Variants in PRKAG2 observed in about 807,000 individuals in gnomAD.
PRKAG2 encodes protein kinase AMP-activated non-catalytic subunit gamma 2, also known as 5'-AMP-activated protein kinase subunit gamma-2.
A neutral mutation model predicts 69.6 loss-of-function variants in PRKAG2; 26 were observed. The ratio of observed to expected loss-of-function variants is 0.37; its 90% CI spans 0.27 to 0.52. The LOEUF is 0.52. Ranked by LOEUF, PRKAG2 falls within the 20% of genes least tolerant of loss-of-function variation. PRKAG2 has a pLI of 0.90. For synonymous variants in PRKAG2, 293 were observed against 285.0 expected (o/e 1.03, Z -0.28); for missense variants, 557 against 740.0 (o/e 0.75, Z 2.87).
intron 3 of PRKAG2, among the ~76,000 whole-genome samples, chr7:151,713,181 T>TCATG (rs1479928233): frequency 6.6e-6 from 1 of 151,744 alleles, no homozygotes; most frequent in Admixed American, 6.6e-5. Flanking sequence ...GGACAGGGGG[T>TCATG]CATGGAAGAA....
intron 1 of PRKAG2, among the ~76,000 whole-genome samples, chr7:151,823,157 G>A (rs745899998): frequency 6.6e-6 from 1 of 151,898 alleles, no homozygotes; most frequent in Non-Finnish European, 1.5e-5. Flanking sequence ...TCTCAGCACA[G>A]CCGCCTGGGG....
chr7:151,811,874 C>A (rs556285662), intron 1 of PRKAG2, among the ~76,000 whole-genome samples: 1 of 152,218 alleles, frequency 6.6e-6, no homozygotes, highest in East Asian at 1.9e-4. Context: ...GGAGGGACAA[C>A]TTTGGAGTTG....
intron 3 of PRKAG2, among the ~76,000 whole-genome samples, chr7:151,741,823 CCT>C (rs1277400777): frequency 1.3e-5 from 2 of 152,200 alleles, no homozygotes; most frequent in African/African-American, 4.8e-5. Flanking sequence ...AGTTATTAAA[CCT>C]CTAGTAAGCG....
chr7:151,569,056 A>G (rs930172990), intron 10 of PRKAG2, among the ~76,000 whole-genome samples: 2 of 152,288 alleles, frequency 1.3e-5, no homozygotes, highest in African/African-American at 2.4e-5. Flanking sequence ...AAATCTCTAG[A>G]AGAGGAGATT....
intron 1 of PRKAG2, among the ~76,000 whole-genome samples, chr7:151,808,869 C>T (rs369734240): frequency 3.6e-4 from 55 of 152,298 alleles, no homozygotes; most frequent in African/African-American, 1.3e-3. Context: ...GGCCAGCATC[C>T]AAGGCTAAAG....
rs78295525 is a variant in PRKAG2 at position 151,581,928 on chromosome 7, A to C, written c.865-5476T>G. 8.9e-3 allele frequency among the ~76,000 whole-genome samples: 1,359 copies of C among 152,354 alleles called. 18 individuals carry two copies. The highest frequency in any genetic ancestry group is 0.03 in the African/African-American group (1,256 of 41,576). ...GTTTACGGTGAGGCCACTGTGAACA[A>C]CACAAACAGGAAATAACTGCCTAAC... On this transcript the variant is annotated intron_variant, in intron 6 of 15. Transcript: ENST00000287878.
At chr7:151,607,973 G>T (rs1486225710) in intron 5 of PRKAG2, among the ~76,000 whole-genome samples, 1 of 152,182 alleles carries the variant, frequency 6.6e-6, no homozygotes, top group Non-Finnish European at 1.5e-5. Flanking sequence ...TGGAGATGAG[G>T]TTATCCCGGA....
intron 5 of PRKAG2, among the ~76,000 whole-genome samples, chr7:151,608,802 A>G (rs1321993856): frequency 1.3e-5 from 2 of 150,236 alleles, no homozygotes; most frequent in South Asian, 2.2e-4. Context: ...ATATTCCTTT[A>G]TAAGATTAAA....
intron 3 of PRKAG2, among the ~76,000 whole-genome samples, chr7:151,717,478 G>T (rs1364910272): frequency 6.6e-6 from 1 of 152,164 alleles, no homozygotes; most frequent in Non-Finnish European, 1.5e-5. Context: ...CTGGAGAAAC[G>T]CCAGGTGAAG....
At chr7:151,640,371 G>A (rs1190022122) in intron 4 of PRKAG2, among the ~76,000 whole-genome samples, 3 of 152,036 alleles carry the variant, frequency 2.0e-5, no homozygotes, top group South Asian at 2.1e-4. Context: ...AGTGGCTCTC[G>A]GCAATCTTTA....
At chr7:151,681,721 T>A (rs1187455259) in intron 3 of PRKAG2, among the ~76,000 whole-genome samples, 1 of 152,002 alleles carries the variant, frequency 6.6e-6, no homozygotes, top group Non-Finnish European at 1.5e-5. Flanking sequence ...AGCGAATAAA[T>A]GGCAGGGACC....
chr7:151,671,879 C>T (rs1260729778), intron 4 of PRKAG2, among the ~76,000 whole-genome samples: 2 of 152,226 alleles, frequency 1.3e-5, no homozygotes, highest in Admixed American at 6.5e-5. Context: ...CCTTGAAATA[C>T]ACCCTTTCAA....
intron 3 of PRKAG2, among the ~76,000 whole-genome samples, chr7:151,737,471 T>C (rs1347069742): frequency 6.6e-6 from 1 of 152,110 alleles, no homozygotes; most frequent in Admixed American, 6.5e-5. Flanking sequence ...ACCCCCGAGC[T>C]AAAGATTAGT....
At chr7:151,741,048 G>C (rs982396440) in intron 3 of PRKAG2, among the ~76,000 whole-genome samples, 1 of 151,724 alleles carries the variant, frequency 6.6e-6, no homozygotes, top group African/African-American at 2.4e-5. Context: ...TTGTTTTCTC[G>C]ATTTAAAAAT....
chr7:151,773,036 AGAGAGAGAGAGAGAGAGGGAG>A (rs2076124566), intron 3 of PRKAG2, among the ~76,000 whole-genome samples: 1 of 33,148 alleles, frequency 3.0e-5, no homozygotes, highest in Non-Finnish European at 6.4e-5. Context: ...AGAGAGAGAG[AGAGAGAGAGAGAGAGAGGGAG>A]GGAGGGAGGG....
intron 1 of PRKAG2, among the ~76,000 whole-genome samples, chr7:151,829,436 G>A (rs1306144060): frequency 1.3e-5 from 2 of 152,032 alleles, no homozygotes; most frequent in African/African-American, 4.8e-5. Flanking sequence ...AATGTAAAAC[G>A]GTGCTGCCAG....
intron 3 of PRKAG2, among the ~76,000 whole-genome samples, chr7:151,693,637 G>C (rs1288585654): frequency 6.8e-6 from 1 of 147,696 alleles, no homozygotes; most frequent in Non-Finnish European, 1.5e-5. Flanking sequence ...GTGGGTCCCT[G>C]CCAAGTCCTT....
At chr7:151,560,952 A>C (rs1170249471) in intron 14 of PRKAG2, among the ~76,000 whole-genome samples, 1 of 152,146 alleles carries the variant, frequency 6.6e-6, no homozygotes, top group East Asian at 1.9e-4. Flanking sequence ...ACATCCCATA[A>C]ATGAATAAAT....
intron 3 of PRKAG2, among the ~76,000 whole-genome samples, chr7:151,746,153 C>T (rs949846621): frequency 5.3e-5 from 8 of 152,236 alleles, no homozygotes; most frequent in African/African-American, 1.7e-4. Context: ...GGTTAACTCC[C>T]GGACTCAGCG....
Sources: allele counts gnomAD v4.1 joint callset (sites outside exome capture counted in the v4.1 genomes callset), GRCh38; gene constraint gnomAD v4.1.1; transcripts MANE v1.5; gene names NCBI Gene and HGNC (gene_info 2026-07-23, HGNC 2026-07-21).